Variants in POLR3K observed in about 807,000 individuals in gnomAD.
POLR3K encodes the protein DNA-directed RNA polymerase III subunit RPC10.
A neutral mutation model predicts 13.5 loss-of-function variants in POLR3K; 11 were observed. The observed-to-expected ratio is 0.81, with a 90% CI of 0.51 to 1.35. The LOEUF is 1.35. Ranked by LOEUF, POLR3K falls within the 40% of genes most tolerant of loss-of-function variation. The probability of loss-of-function intolerance (pLI) is 0.00; values close to 1 mark genes in which losing one functional copy is unlikely to be tolerated. For synonymous variants in POLR3K, 56 were observed against 51.5 expected (o/e 1.09, Z -0.38); for missense variants, 144 against 145.3 (o/e 0.99, Z 0.05).
Position 46,591 on chromosome 16 carries a change from G to T in POLR3K, c.*839C>A, listed in dbSNP as rs1367742395. On this transcript the variant is annotated 3_prime_UTR_variant, in exon 3 of 3. Transcript: ENST00000293860. ...AATGCAAAATTACCCAGGTGTGGTG[G>T]TGCATGCCTGTAGTCCCAGCTGCTT... 2 of 152,084 alleles carry T rather than the reference G, an allele frequency of 1.3e-5. No individual in the cohort carries two copies. The highest frequency in any genetic ancestry group is 2.9e-5 in the Non-Finnish European group (2 of 68,034). The allele number at this position is 152,084 out of a possible 1,614,324, so 9.4% of individuals were successfully genotyped here. A position where few individuals can be genotyped will look rare whatever the true frequency, so the allele number is the denominator to read the frequency against.
chr16:47,642 G>A, intron 2 of POLR3K, 85 bp from the exon 3 acceptor site: 1 of 1,443,428 alleles, frequency 6.9e-7, no homozygotes, highest in South Asian at 1.2e-5. Context: ...TAATATGTGG[G>A]AGGCCAAGGC....
At chr16:48,969 T>C (rs2141833536) in intron 2 of POLR3K, among the ~76,000 whole-genome samples, 2 of 148,286 alleles carry the variant, frequency 1.3e-5, no homozygotes, top group East Asian at 4.1e-4. Flanking sequence ...CTAGCCAAGA[T>C]GGTGAAACCC....
chr16:47,578 G>A, intron 2 of POLR3K, 21 bp from the exon 3 acceptor site: 1 of 1,608,352 alleles, frequency 6.2e-7, no homozygotes, highest in Non-Finnish European at 8.5e-7. Context: ...GAAAAAAGAA[G>A]TGACCACATT....
chr16:50,997 CAGG>C (rs1286299315), intron 2 of POLR3K, among the ~76,000 whole-genome samples: 6 of 152,182 alleles, frequency 3.9e-5, no homozygotes, highest in Non-Finnish European at 7.3e-5. Context: ...CACTCACTAT[CAGG>C]AGAACAGCAT....
intron 1 of POLR3K, 45 bp downstream of exon 1, chr16:53,431 G>A (rs752633537): frequency 5.2e-6 from 8 of 1,536,134 alleles, no homozygotes; most frequent in Non-Finnish European, 6.1e-6. Flanking sequence ...GACGCGGAAG[G>A]CCTGCGAGAG....
At chr16:53,303 G>T (rs1897359916) in intron 1 of POLR3K, 173 bp downstream of exon 1, 1 of 1,271,118 alleles carries the variant, frequency 7.9e-7, no homozygotes, top group East Asian at 2.9e-5. Flanking sequence ...AAACGGTGGG[G>T]CTTTCTGAGT....
At chr16:51,322 A>G (rs1193853109) in intron 2 of POLR3K, among the ~76,000 whole-genome samples, 2 of 152,212 alleles carry the variant, frequency 1.3e-5, no homozygotes, top group Non-Finnish European at 2.9e-5. Flanking sequence ...GTCCTACAAC[A>G]ATACAAGGTT....
Position 47,558 on chromosome 16 carries a change from C to T in POLR3K, c.200-1G>A, listed in dbSNP as rs755004353. 1 of 1,611,664 alleles carries T rather than the reference C, an allele frequency of 6.2e-7. No individual in the cohort carries two copies. Among genetic ancestry groups the T allele is most frequent in the African/African-American group, 1.3e-5 (1 of 74,838 alleles). ...GGATGTTCGCATTTGGGACACGACT[C>T]TGGCAATGAGAAAAAAGAAGTGACC... On this transcript the variant is annotated splice_acceptor_variant, in intron 2 of 2. Coordinates refer to ENST00000293860, the MANE Select transcript of POLR3K (RefSeq NM_016310.5). LOFTEE classifies it high-confidence loss of function.
At chr16:52,446 C>CA (rs767411954) in intron 1 of POLR3K, among the ~76,000 whole-genome samples, 14 of 74,192 alleles carry the variant, frequency 1.9e-4, no homozygotes, top group East Asian at 4.1e-4. Context: ...GACTCTGTCT[C>CA]AAAAAAAAAA....
chr16:53,151 C>T, intron 1 of POLR3K: 1 of 296,314 alleles, frequency 3.4e-6, no homozygotes, highest in Non-Finnish European at 6.2e-6. Flanking sequence ...TCCGGCTTTT[C>T]GTCTGCGTGA....
At position 47,040 on chromosome 16, in the gene POLR3K, T is replaced by C. The variant is rs1897289811; in HGVS notation, c.*390A>G. ...AATTTTGATTAAAATAAATAATAAATTACACAAGTTTACAAGTAACAGTTA... is the reference window on the plus strand; with the variant it reads ...AATTTTGATTAAAATAAATAATAAACTACACAAGTTTACAAGTAACAGTTA... On this transcript the variant is annotated 3_prime_UTR_variant, in exon 3 of 3. Transcript: ENST00000293860. The C allele has an allele frequency of 6.6e-6, 1 of 152,590 alleles. No homozygotes were observed. Among genetic ancestry groups the C allele is most frequent in the African/African-American group, 2.4e-5 (1 of 41,436 alleles). The allele number at this position is 152,590 out of a possible 1,614,324, so 9.5% of individuals were successfully genotyped here.
At chr16:47,705 A>C in intron 2 of POLR3K, 148 bp from the exon 3 acceptor site, 1 of 744,874 alleles carries the variant, frequency 1.3e-6, no homozygotes, top group Non-Finnish European at 2.0e-6. Context: ...AACATGGTGA[A>C]ACCCCATCTC....
Position 47,504 on chromosome 16 carries a change from G to A in POLR3K, c.253C>T (p.Arg85Cys), listed in dbSNP as rs770284903. Residue 85 changes from arginine (R) to cysteine (C), a missense_variant, in exon 3 of 3, where the codon CGC becomes TGC. By Grantham distance (180) the Arg-to-Cys change is radical (BLOSUM62 -3). Coordinates refer to ENST00000293860, the MANE Select transcript of POLR3K (RefSeq NM_016310.5). The stretch of plus-strand genomic sequence containing the variant: ...GTGGTCATCGGCTCATCTGCAGAGC[G>A]GGTCTGAAGCTGCATGAAGTAAGCA... ...PRAYFMQLQT[R>C]SADEPMTTFY... The A allele has an allele frequency of 7.4e-6, 12 of 1,613,776 alleles. No individual in the cohort carries two copies. The highest frequency in any genetic ancestry group is 1.3e-5 in the African/African-American group (1 of 75,030).
In POLR3K at chr16:53,556, C is replaced by G. The variant is rs752867038; in HGVS notation, c.31G>C (p.Gly11Arg). Reference protein sequence around the residue: MLLFCPGCGNGLIVEEGQRCH... With the variant: MLLFCPGCGNRLIVEEGQRCH... ...CGTTGTCCCTCCTCCACGATCAGCC[C>G]GTTCCCGCAGCCGGGGCAGAACAGC... Residue 11 changes from glycine to arginine, a missense_variant, in exon 1 of 3, where the codon GGG becomes CGG. By Grantham distance (125) the Gly-to-Arg change is moderately radical (BLOSUM62 -2). Transcript: ENST00000293860. 4 of 1,613,150 alleles carry G rather than the reference C, an allele frequency of 2.5e-6. No individual in the cohort carries two copies. The highest frequency in any genetic ancestry group is 3.4e-6 in the Non-Finnish European group (4 of 1,179,716).
chr16:52,781 A>AAAAAAC (rs1567150855), intron 1 of POLR3K, among the ~76,000 whole-genome samples: 1 of 25,654 alleles, frequency 3.9e-5, no homozygotes, highest in African/African-American at 1.3e-4. Context: ...AAAAAAAAAA[A>AAAAAAC]AAAAAAAAAA....
At chr16:49,961 T>A (rs1381802911) in intron 2 of POLR3K, among the ~76,000 whole-genome samples, 1 of 151,440 alleles carries the variant, frequency 6.6e-6, no homozygotes, top group Non-Finnish European at 1.5e-5. Context: ...ATAGCAGATT[T>A]GTATGTTCTT....
At chr16:51,327 A>G (rs1897328962) in intron 2 of POLR3K, among the ~76,000 whole-genome samples, 1 of 152,166 alleles carries the variant, frequency 6.6e-6, no homozygotes, top group Non-Finnish European at 1.5e-5. Flanking sequence ...ACAACAATAC[A>G]AGGTTGCCCT....
intron 2 of POLR3K, 112 bp from the exon 3 acceptor site, chr16:47,669 G>C (rs527441902): frequency 3.8e-4 from 436 of 1,136,696 alleles, no homozygotes; most frequent in Non-Finnish European, 4.7e-4. Context: ...ATCACCTGAG[G>C]TCAGGAGTTC....
chr16:53,414 G>A (rs1043646674), intron 1 of POLR3K, 62 bp downstream of exon 1: 10 of 1,536,776 alleles, frequency 6.5e-6, no homozygotes, highest in Middle Eastern at 1.8e-4. Context: ...TGGAGCAGCA[G>A]TCGGAGGACG....
Sources: gnomAD v4.1 joint callset for allele counts (sites outside exome capture counted in the v4.1 genomes callset) on GRCh38, gnomAD v4.1.1 for gene constraint, MANE v1.5 for transcripts, NCBI Gene and HGNC (gene_info 2026-07-23, HGNC 2026-07-21) for gene names.